Variants in CDC45 observed in about 807,000 individuals in gnomAD.
CDC45 encodes the protein cell division control protein 45 homolog.
A neutral mutation model predicts 77.8 loss-of-function variants in CDC45; 54 were observed. That is an observed-to-expected ratio of 0.69 (90% CI 0.56 to 0.87). CDC45 has a LOEUF of 0.87. Among genes scored for constraint, CDC45 ranks in the 40% least tolerant of loss-of-function variants. CDC45 has a pLI of 0.00. For synonymous variants in CDC45, 260 were observed against 272.1 expected (o/e 0.96, Z 0.44); for missense variants, 649 against 721.6 (o/e 0.90, Z 1.15).
In CDC45 at chr22:19,520,089, C is replaced by G. The variant is rs1439868687; in HGVS notation, c.*2-392C>G. 6.6e-6 allele frequency among the ~76,000 whole-genome samples: 1 copy of G among 152,062 alleles called. No individual in the cohort carries two copies. The highest frequency in any genetic ancestry group is 1.5e-5 in the Non-Finnish European group (1 of 68,004). On this transcript the variant is annotated intron_variant, in intron 18 of 18. Coordinates refer to ENST00000263201, the MANE Select transcript of CDC45 (RefSeq NM_003504.5). This position sits in a 1 kb window ranked among gnomAD's most constrained non-coding sequence, Gnocchi z 4.5. ...TAGAGGCAAACCCCTCCCCTGCAGC[C>G]TGCTTGGTGGTGATGTTATGCTGCT... is the stretch of plus-strand genomic sequence containing the variant.
chr22:19,507,358 C>T (rs759156065), intron 10 of CDC45, 28 bp from the exon 11 acceptor site: 1 of 1,609,760 alleles, frequency 6.2e-7, no homozygotes, highest in East Asian at 2.2e-5. Context: ...CCAGTGGGTG[C>T]TTGCATGCTC....
At chr22:19,479,812 T>C (rs2057040795), upstream of CDC45, 1 of 754,188 alleles carries the variant, frequency 1.3e-6, no homozygotes, top group East Asian at 2.6e-5. Context: ...CCGCCTCCAA[T>C]GTGGCCCAAT....
chr22:19,481,130 A>G, intron 3 of CDC45, 85 bp downstream of exon 3: 1 of 894,790 alleles, frequency 1.1e-6, no homozygotes, highest in Non-Finnish European at 1.8e-6. Context: ...CGATAGATTA[A>G]GCGTGTATTT....
intron 9 of CDC45, among the ~76,000 whole-genome samples, chr22:19,500,702 C>T (rs2090325826): frequency 6.6e-6 from 1 of 152,076 alleles, no homozygotes; most frequent in Non-Finnish European, 1.5e-5. Context: ...TTTTCCAGCC[C>T]TCCACAGTCT....
At chr22:19,504,048 T>C (rs1933013288) in intron 9 of CDC45, among the ~76,000 whole-genome samples, 1 of 152,224 alleles carries the variant, frequency 6.6e-6, no homozygotes, top group African/African-American at 2.4e-5. Context: ...TCCTTCCCAC[T>C]GAACAGCGAA....
At chr22:19,498,152 C>A (rs985615657) in intron 8 of CDC45, among the ~76,000 whole-genome samples, 1 of 151,902 alleles carries the variant, frequency 6.6e-6, no homozygotes, top group Non-Finnish European at 1.5e-5. Context: ...CCAGCCTGGG[C>A]GACAAGAATG....
intron 10 of CDC45, 78 bp downstream of exon 10, chr22:19,505,559 G>A (rs952449866): frequency 1.3e-6 from 2 of 1,545,190 alleles, no homozygotes; most frequent in African/African-American, 2.7e-5. Flanking sequence ...CACCCTCTGT[G>A]GGTTCTGGCC....
At position 19,507,449 on chromosome 22, in the gene CDC45, C is replaced by T. The variant is rs534489894; in HGVS notation, c.888C>T (p.Thr296=). 41 of 1,614,144 alleles carry T rather than the reference C, an allele frequency of 2.5e-5. No homozygotes were observed. Among genetic ancestry groups the T allele is most frequent in the African/African-American group, 4.0e-5 (3 of 75,024 alleles). The change falls in exon 11 of 19, where the codon ACC becomes ACT. Residue 296 remains threonine (T), a synonymous_variant. Transcript: ENST00000263201. ...ACAGCCTGTGCAACACCAGCTATACCGCAGCCAGGTTCAAGCTGTGGTCTG... is the reference window on the plus strand; with the variant it reads ...ACAGCCTGTGCAACACCAGCTATACTGCAGCCAGGTTCAAGCTGTGGTCTG... ...LHDSLCNTSY[T]AARFKLWSVH...
At chr22:19,519,715 T>C (rs13447296) in intron 18 of CDC45, among the ~76,000 whole-genome samples, 19 of 152,236 alleles carry the variant, frequency 1.2e-4, no homozygotes, top group African/African-American at 4.3e-4. Context: ...TCCATCCATC[T>C]GTCCATCCCT....
At chr22:19,493,758 T>C (rs368925699) in intron 5 of CDC45, among the ~76,000 whole-genome samples, 1 of 152,144 alleles carries the variant, frequency 6.6e-6, no homozygotes, top group East Asian at 1.9e-4. Context: ...GTTTGATCTA[T>C]GATGTCGAAG....
chr22:19,483,984 G>T lies in CDC45; in HGVS notation c.465G>T (p.Glu155Asp). 1.2e-6 allele frequency: 2 copies of T among 1,609,350 alleles called. No individual in the cohort carries two copies. Among genetic ancestry groups the T allele is most frequent in the Non-Finnish European group, 1.7e-6 (2 of 1,179,036 alleles). ...GNDSDGSEPS[E>D]KRTRLEEEIV... ...ACAGTGATGGGTCAGAGCCTTCTGA[G>T]AAGCGCACACGGTTAGAAGAGGTGA... Residue 155 changes from glutamate to aspartate, a missense_variant, in exon 5 of 19, where the codon GAG (glutamate) becomes GAT (aspartate). Glu to Asp is a conservative substitution (Grantham distance 45, BLOSUM62 2). Coordinates refer to ENST00000263201, the MANE Select transcript of CDC45 (RefSeq NM_003504.5).
intron 5 of CDC45, among the ~76,000 whole-genome samples, chr22:19,485,112 TG>T (rs2090045999): frequency 1.3e-5 from 2 of 152,158 alleles, no homozygotes; most frequent in Admixed American, 6.6e-5. Flanking sequence ...GGGTCCTTTT[TG>T]TTCTCTGAAT....
intron 9 of CDC45, among the ~76,000 whole-genome samples, chr22:19,499,746 A>G (rs1455059217): frequency 6.6e-6 from 1 of 152,188 alleles, no homozygotes; most frequent in Non-Finnish European, 1.5e-5. Flanking sequence ...ATCCCTGCTA[A>G]TGCACGAAGT....
chr22:19,484,051 C>T (rs1464797275), intron 5 of CDC45, 46 bp downstream of exon 5: 1 of 1,555,116 alleles, frequency 6.4e-7, no homozygotes, highest in Non-Finnish European at 8.7e-7. Context: ...CTTGCACTCC[C>T]AGAGGTCGGA....
intron 3 of CDC45, among the ~76,000 whole-genome samples, chr22:19,482,232 G>C (rs1218140423): frequency 1.3e-5 from 2 of 152,176 alleles, no homozygotes; most frequent in Non-Finnish European, 2.9e-5. Context: ...CACCAGCTTG[G>C]TATTTATAAG....
intron 12 of CDC45, 38 bp downstream of exon 12, chr22:19,507,902 C>A (rs761066417): frequency 7.3e-7 from 1 of 1,378,398 alleles, no homozygotes; most frequent in Non-Finnish European, 1.0e-6. Context: ...TTCATTACAT[C>A]CAGGTTCATT....
In CDC45 at chr22:19,480,124, C is replaced by A. The variant is rs755232389; in HGVS notation, c.52-34C>A. 4 of 1,613,384 alleles carry A rather than the reference C, an allele frequency of 2.5e-6. No homozygotes were observed. The Admixed American group carries it at 5.0e-5, about 20-fold the overall frequency. ...GGCAGGGGAGGGCCGGGGTTCGGGT[C>A]GCCGTGTTCAGCCGGTCTGCTCTTC... On this transcript the variant is annotated intron_variant, in intron 1 of 18. Transcript: ENST00000263201.
chr22:19,498,349 G>C (rs2090281049), intron 8 of CDC45, among the ~76,000 whole-genome samples: 1 of 152,228 alleles, frequency 6.6e-6, no homozygotes, highest in Non-Finnish European at 1.5e-5. Flanking sequence ...GGCAGCTCTT[G>C]CTAGGCATCC....
At chr22:19,496,437 A>C (rs1362107971) in intron 7 of CDC45, among the ~76,000 whole-genome samples, 2 of 152,242 alleles carry the variant, frequency 1.3e-5, no homozygotes, top group Non-Finnish European at 1.5e-5. Context: ...CTATGTCAAT[A>C]GTGTTGAGCA....
Sources: gnomAD v4.1 joint callset for allele counts (sites outside exome capture counted in the v4.1 genomes callset) on GRCh38, gnomAD v4.1.1 for gene constraint, Gnocchi (gnomAD v3.1) non-coding constraint, MANE v1.5 for transcripts, NCBI Gene and HGNC (gene_info 2026-07-23, HGNC 2026-07-21) for gene names.